The following GRID2 variants were observed in gnomAD, a reference collection of about 807,000 sequenced individuals.
GRID2 encodes the protein glutamate receptor ionotropic, delta-2.
Under a neutral mutation model 114.8 loss-of-function variants are expected in GRID2, and 33 were observed. The observed-to-expected ratio is 0.29, with a 90% CI of 0.22 to 0.38. The LOEUF is 0.38. Among genes scored for constraint, GRID2 ranks in the 10% least tolerant of loss-of-function variants. The pLI, the probability that GRID2 is intolerant of heterozygous loss-of-function variation, is 1.00. For synonymous variants in GRID2, 505 were observed against 449.9 expected (o/e 1.12, Z -1.55); for missense variants, 1,184 against 1,257.7 (o/e 0.94, Z 0.89).
intron 1 of GRID2, among the ~76,000 whole-genome samples, chr4:92,424,780 A>G (rs1021794147): frequency 3.3e-5 from 5 of 151,596 alleles, no homozygotes; most frequent in East Asian, 1.9e-4. Flanking sequence ...TGATATTTCA[A>G]TAAAAATTGT....
chr4:93,686,979 G>A (rs573167623), intron 14 of GRID2, among the ~76,000 whole-genome samples: 8 of 151,900 alleles, frequency 5.3e-5, no homozygotes, highest in African/African-American at 1.7e-4. Flanking sequence ...ACTGAAAACC[G>A]CCTGAAAGTG....
In GRID2 at chr4:93,669,616, C is replaced by G. The variant is rs549219557; in HGVS notation, c.2360+43181C>G. 5.3e-5 allele frequency among the ~76,000 whole-genome samples: 8 copies of G among 152,192 alleles called. No individual in the cohort carries two copies. The South Asian group carries it at 1.7e-3, about 32-fold the overall frequency. ...ATTTCAATTTAACCTCAAGATTAGA[C>G]TTTGTATGTGTCTCCCCATTCCCTT... On this transcript the variant is annotated intron_variant, in intron 14 of 15. Transcript: ENST00000282020.
intron 1 of GRID2, among the ~76,000 whole-genome samples, chr4:92,321,542 G>T (rs1294503710): frequency 6.6e-6 from 1 of 152,092 alleles, no homozygotes; most frequent in African/African-American, 2.4e-5. Context: ...TGAAATTATT[G>T]GAACTTAATT....
intron 13 of GRID2, among the ~76,000 whole-genome samples, chr4:93,594,340 G>A (rs1171550292): frequency 6.6e-6 from 1 of 152,176 alleles, no homozygotes; most frequent in Non-Finnish European, 1.5e-5. Flanking sequence ...GCCCCTGCTG[G>A]AGGGTGCCTC....
chr4:92,639,457 TG>T (rs1731238406), intron 2 of GRID2, among the ~76,000 whole-genome samples: 1 of 151,778 alleles, frequency 6.6e-6, no homozygotes, highest in South Asian at 2.1e-4. Context: ...AAGAGCCTAA[TG>T]AAAAAAATGC....
At chr4:92,504,289 G>A (rs1370322529) in intron 1 of GRID2, among the ~76,000 whole-genome samples, 1 of 152,052 alleles carries the variant, frequency 6.6e-6, no homozygotes, top group African/African-American at 2.4e-5. Context: ...TAAGAGAAAA[G>A]ACATGAGAAT....
At chr4:93,021,857 A>C (rs142471758) in intron 2 of GRID2, among the ~76,000 whole-genome samples, 1 of 147,680 alleles carries the variant, frequency 6.8e-6, no homozygotes, top group East Asian at 1.9e-4. Flanking sequence ...AATAAATATT[A>C]TAACAATATT....
intron 4 of GRID2, among the ~76,000 whole-genome samples, chr4:93,184,098 T>C (rs1444901609): frequency 6.6e-6 from 1 of 151,992 alleles, no homozygotes; most frequent in Non-Finnish European, 1.5e-5. Context: ...TGAAAGAAAA[T>C]GGTTTGTAGC....
chr4:93,406,189 A>T (rs1766395659), intron 9 of GRID2, among the ~76,000 whole-genome samples: 1 of 152,160 alleles, frequency 6.6e-6, no homozygotes, highest in African/African-American at 2.4e-5. Flanking sequence ...AAAAGGCTAT[A>T]AAACTGAGCC....
At chr4:92,511,532 C>T (rs188274993) in intron 1 of GRID2, among the ~76,000 whole-genome samples, 1 of 151,958 alleles carries the variant, frequency 6.6e-6, no homozygotes, top group Admixed American at 6.6e-5. Context: ...CAAACTGGTA[C>T]TCTTTCAGGA....
chr4:92,726,867 A>T (rs1284734634), intron 2 of GRID2, among the ~76,000 whole-genome samples: 1 of 152,060 alleles, frequency 6.6e-6, no homozygotes, highest in East Asian at 1.9e-4. Context: ...TCAGACTATG[A>T]AGTTGCAACT....
rs530843316 is a variant in GRID2, at chr4:92,982,278, T to C, written c.245-102717T>C. Among the ~76,000 whole-genome samples the C allele has an allele frequency of 3.2e-4, 48 of 152,134 alleles. 2 individuals carry two copies. The South Asian group carries it at 9.1e-3, about 29-fold the overall frequency. On this transcript the variant is annotated intron_variant, in intron 2 of 15. Transcript: ENST00000282020. The stretch of plus-strand genomic sequence containing the variant: ...CTTGATATTTGTGATAAACATGTGA[T>C]GTTGCAAAGTATATAATATTACCAG...
At chr4:92,455,781 T>A (rs541759381) in intron 1 of GRID2, among the ~76,000 whole-genome samples, 187 of 152,294 alleles carry the variant, frequency 1.2e-3, no homozygotes, top group African/African-American at 4.2e-3. Flanking sequence ...TTTGTTATGC[T>A]TGTGGAGGGG....
chr4:93,142,565 A>C (rs995518329), intron 4 of GRID2, among the ~76,000 whole-genome samples: 9 of 152,184 alleles, frequency 5.9e-5, no homozygotes, highest in African/African-American at 2.2e-4. Context: ...TATCACCTAG[A>C]GGGTTAGAAT....
At chr4:93,164,153 G>C (rs553733228) in intron 4 of GRID2, among the ~76,000 whole-genome samples, 2 of 138,074 alleles carry the variant, frequency 1.4e-5, no homozygotes, top group Non-Finnish European at 3.4e-5. Flanking sequence ...AACCAAGCCC[G>C]GGGGGGGAAA....
intron 3 of GRID2, among the ~76,000 whole-genome samples, chr4:93,087,036 T>TTATTTATA (rs1216131486): frequency 6.6e-6 from 1 of 151,494 alleles, no homozygotes; most frequent in Non-Finnish European, 1.5e-5. Flanking sequence ...ATTTATTTAT[T>TTATTTATA]TATTTATTTA....
At position 92,569,711 on chromosome 4, in the gene GRID2, C is replaced by G. The variant is rs149630050; in HGVS notation, c.89-20420C>G. Among the ~76,000 whole-genome samples the G allele has an allele frequency of 3.0e-3, 461 of 152,136 alleles. 4 individuals are homozygous for G. The highest frequency in any genetic ancestry group is 5.3e-3 in the Non-Finnish European group (361 of 67,980). On this transcript the variant is annotated intron_variant, in intron 1 of 15. Transcript: ENST00000282020. Reference sequence around the variant, plus strand: ...CATTGTCATTTTGATTTGTATTTCTCTAATAATCAGTGGGGTTGATCTTTT... The same window carrying G: ...CATTGTCATTTTGATTTGTATTTCTGTAATAATCAGTGGGGTTGATCTTTT...
intron 4 of GRID2, among the ~76,000 whole-genome samples, chr4:93,206,528 G>C (rs903657251): frequency 1.3e-5 from 2 of 151,668 alleles, no homozygotes. Context: ...AGAAGAACGT[G>C]TCTTAGAATA....
chr4:92,598,785 T>G (rs1729068906), intron 2 of GRID2, among the ~76,000 whole-genome samples: 1 of 152,158 alleles, frequency 6.6e-6, no homozygotes, highest in African/African-American at 2.4e-5. Context: ...CTAATTACAT[T>G]TTAATGATAG....
Sources: allele counts gnomAD v4.1 joint callset (sites outside exome capture counted in the v4.1 genomes callset), GRCh38; gene constraint gnomAD v4.1.1; transcripts MANE v1.5; gene names NCBI Gene and HGNC (gene_info 2026-07-23, HGNC 2026-07-21).